Variants in FHIT observed in about 807,000 individuals in gnomAD.
FHIT encodes the protein bis(5'-adenosyl)-triphosphatase.
A neutral mutation model predicts 17.9 loss-of-function variants in FHIT; 19 were observed. That is an observed-to-expected ratio of 1.06 (90% confidence interval 0.74 to 1.56). The LOEUF (loss-of-function observed/expected upper bound fraction) is 1.56, where lower values mean the gene tolerates loss of function less well. FHIT is among the 40% of genes most tolerant of loss of function. FHIT has a pLI of 0.00. For missense variants in FHIT, 248 were observed against 189.2 expected (o/e 1.31, Z -1.82); for synonymous variants, 81 against 69.7 (o/e 1.16, Z -0.81).
intron 3 of FHIT, among the ~76,000 whole-genome samples, chr3:60,872,722 G>A (rs1259596141): frequency 1.3e-5 from 2 of 152,008 alleles, no homozygotes; most frequent in Non-Finnish European, 2.9e-5. Context: ...ATGATTCAAA[G>A]AGAATACAAA....
At chr3:59,965,064 A>T (rs1043466093) in intron 7 of FHIT, among the ~76,000 whole-genome samples, 2 of 152,156 alleles carry the variant, frequency 1.3e-5, no homozygotes, top group African/African-American at 4.8e-5. Flanking sequence ...CTGCTCTATT[A>T]TCCTTAAATT....
At chr3:59,876,106 G>C (rs1703147352) in intron 8 of FHIT, among the ~76,000 whole-genome samples, 1 of 151,926 alleles carries the variant, frequency 6.6e-6, no homozygotes, top group Non-Finnish European at 1.5e-5. Context: ...TGTAATTATA[G>C]TTTCATATGC....
chr3:60,605,782 A>G (rs561799758), intron 4 of FHIT, among the ~76,000 whole-genome samples: 13 of 152,202 alleles, frequency 8.5e-5, no homozygotes, highest in Non-Finnish European at 1.9e-4. Context: ...CTTGCCTATG[A>G]GAGTTTTGAG....
intron 5 of FHIT, among the ~76,000 whole-genome samples, chr3:60,191,834 A>T (rs1346502861): frequency 1.3e-5 from 2 of 152,202 alleles, no homozygotes; most frequent in African/African-American, 2.4e-5. Context: ...TCATTTTTAA[A>T]CATTTTTACA....
intron 8 of FHIT, among the ~76,000 whole-genome samples, chr3:59,837,693 T>C (rs888308597): frequency 2.0e-5 from 3 of 152,194 alleles, no homozygotes; most frequent in African/African-American, 7.2e-5. Context: ...GATACGTTTT[T>C]CTATGAGGAG....
At chr3:59,837,325 T>C (rs1394585704) in intron 8 of FHIT, among the ~76,000 whole-genome samples, 4 of 152,204 alleles carry the variant, frequency 2.6e-5, no homozygotes, top group Admixed American at 6.5e-5. Flanking sequence ...ATATAACCTA[T>C]GCACATCTTC....
At chr3:60,563,313 C>T (rs760459973) in intron 4 of FHIT, among the ~76,000 whole-genome samples, 23 of 152,296 alleles carry the variant, frequency 1.5e-4, no homozygotes, top group Non-Finnish European at 1.6e-4. Context: ...GGTCAAAGAA[C>T]CAGTCAGTGC....
At chr3:61,154,263 A>C (rs1318337031) in intron 2 of FHIT, among the ~76,000 whole-genome samples, 1 of 152,160 alleles carries the variant, frequency 6.6e-6, no homozygotes, top group Non-Finnish European at 1.5e-5. Context: ...ATTTACACTA[A>C]ATGAACCGAA....
intron 3 of FHIT, among the ~76,000 whole-genome samples, chr3:60,922,028 T>C (rs1209289406): frequency 6.6e-6 from 1 of 152,306 alleles, no homozygotes; most frequent in Non-Finnish European, 1.5e-5. Flanking sequence ...AGATACCTGG[T>C]AATGAAATAC....
At chr3:61,093,039 A>G (rs2106819279) in intron 2 of FHIT, among the ~76,000 whole-genome samples, 1 of 152,262 alleles carries the variant, frequency 6.6e-6, no homozygotes, top group African/African-American at 2.4e-5. Flanking sequence ...GCTAAGACAA[A>G]TCCCAGTGTG....
At chr3:60,612,501 C>G (rs1262118438) in intron 4 of FHIT, among the ~76,000 whole-genome samples, 3 of 152,152 alleles carry the variant, frequency 2.0e-5, no homozygotes, top group East Asian at 1.9e-4. Context: ...CTGGCTTTAG[C>G]AGCAGAGTAT....
intron 3 of FHIT, among the ~76,000 whole-genome samples, chr3:61,033,593 C>T (rs893802982): frequency 7.2e-5 from 11 of 152,262 alleles, no homozygotes; most frequent in East Asian, 1.9e-4. Flanking sequence ...GGGCTTACAT[C>T]TGTGGTTCAC....
chr3:59,972,755 A>T (rs1031410146), intron 7 of FHIT, among the ~76,000 whole-genome samples: 5 of 152,110 alleles, frequency 3.3e-5, no homozygotes, highest in Admixed American at 2.0e-4. Context: ...CTCTTGTCTT[A>T]TTCAGTACAG....
chr3:60,269,049 T>A (rs1395173763), intron 5 of FHIT, among the ~76,000 whole-genome samples: 1 of 152,190 alleles, frequency 6.6e-6, no homozygotes, highest in African/African-American at 2.4e-5. Context: ...CCTGCTGACA[T>A]CTTGATTTTA....
chr3:60,353,426 C>T (rs139550367), intron 5 of FHIT, among the ~76,000 whole-genome samples: 1,957 of 152,192 alleles, frequency 0.013, 37 homozygotes, highest in African/African-American at 0.046. Context: ...GTGAAAACTG[C>T]CAAAGGGAAT....
At chr3:60,980,605 G>A (rs974164166) in intron 3 of FHIT, among the ~76,000 whole-genome samples, 2 of 152,150 alleles carry the variant, frequency 1.3e-5, no homozygotes, top group African/African-American at 4.8e-5. Flanking sequence ...GCAGGTCTCA[G>A]ACCACTCCCA....
At chr3:60,485,126 T>C (rs914678004) in intron 5 of FHIT, among the ~76,000 whole-genome samples, 11 of 152,172 alleles carry the variant, frequency 7.2e-5, no homozygotes, top group Non-Finnish European at 1.5e-4. Context: ...TCAGTCAGAA[T>C]GGTGAGTACT....
chr3:60,956,762 A>T (rs1227326791), intron 3 of FHIT, among the ~76,000 whole-genome samples: 35 of 152,328 alleles, frequency 2.3e-4, no homozygotes, highest in African/African-American at 8.2e-4. Flanking sequence ...AACAAAGAGA[A>T]CTCATGCTGC....
intron 4 of FHIT, among the ~76,000 whole-genome samples, chr3:60,551,179 G>C (rs1196006475): frequency 6.6e-6 from 1 of 151,916 alleles, no homozygotes; most frequent in East Asian, 2.0e-4. Context: ...GCAGAGGTGA[G>C]GAGATGGGTT....
Sources: gnomAD v4.1 joint callset for allele counts (sites outside exome capture counted in the v4.1 genomes callset) on GRCh38, gnomAD v4.1.1 for gene constraint, MANE v1.5 for transcripts, NCBI Gene and HGNC (gene_info 2026-07-23, HGNC 2026-07-21) for gene names.